The following EYS variants were observed in gnomAD, a reference collection of about 807,000 sequenced individuals.
EYS encodes EGF-like photoreceptor maintenance factor.
In EYS, 250 loss-of-function variants were observed where a neutral mutation model predicts 282.1. The observed-to-expected ratio is 0.89, with a 90% CI of 0.80 to 0.98. The LOEUF (loss-of-function observed/expected upper bound fraction) is 0.98. Among genes scored for constraint, EYS ranks in the 50% least tolerant of loss-of-function variants. The probability of loss-of-function intolerance (pLI) is 0.00; values close to 1 mark genes in which losing one functional copy is unlikely to be tolerated. For synonymous variants in EYS, 1,355 were observed against 1,282.9 expected, an observed-to-expected ratio of 1.06 and a Z score of -1.20; for missense variants, 4,016 against 3,709.0, an observed-to-expected ratio of 1.08 and a Z score of -2.15.
At chr6:65,548,509 T>G (rs1768475825) in intron 2 of EYS, among the ~76,000 whole-genome samples, 1 of 152,218 alleles carries the variant, frequency 6.6e-6, no homozygotes, top group African/African-American at 2.4e-5. Flanking sequence ...CACTTTTATT[T>G]TTAAGTTGTA....
intron 13 of EYS, among the ~76,000 whole-genome samples, chr6:65,014,773 C>A (rs1583399119): frequency 6.6e-6 from 1 of 152,164 alleles, no homozygotes; most frequent in East Asian, 1.9e-4. Flanking sequence ...CCTTCACTAC[C>A]TCCCTGTTGA....
intron 1 of EYS, among the ~76,000 whole-genome samples, chr6:65,696,045 A>G (rs1217070793): frequency 6.6e-6 from 1 of 151,946 alleles, no homozygotes; most frequent in Admixed American, 6.6e-5. Flanking sequence ...GAGAATATAT[A>G]AAAGGTAATA....
chr6:63,958,802 C>T (rs114427720), intron 35 of EYS, among the ~76,000 whole-genome samples: 502 of 152,258 alleles, frequency 3.3e-3, no homozygotes, highest in Non-Finnish European at 5.3e-3. Flanking sequence ...AGCAAAAAAG[C>T]CTGGATTACA....
At chr6:64,854,682 T>G (rs532288176) in intron 19 of EYS, among the ~76,000 whole-genome samples, 2 of 152,052 alleles carry the variant, frequency 1.3e-5, no homozygotes, top group Admixed American at 6.5e-5. Context: ...ACATGGCACA[T>G]GTATACATAT....
intron 12 of EYS, among the ~76,000 whole-genome samples, chr6:65,239,348 TA>T (rs1287062075): frequency 6.6e-6 from 1 of 152,086 alleles, no homozygotes; most frequent in African/African-American, 2.4e-5. Flanking sequence ...ATGTGACCAA[TA>T]AGGTTTACAA....
chr6:64,582,557 G>T (rs1280600434), intron 26 of EYS, among the ~76,000 whole-genome samples: 1 of 150,330 alleles, frequency 6.7e-6, no homozygotes, highest in Non-Finnish European at 1.5e-5. Context: ...GATTTGGCCT[G>T]CAGGCTATAG....
intron 1 of EYS, among the ~76,000 whole-genome samples, chr6:65,686,250 C>G (rs1242822875): frequency 1.3e-5 from 2 of 152,026 alleles, no homozygotes; most frequent in African/African-American, 4.8e-5. Flanking sequence ...TTCTTCCCGG[C>G]TCTTCCCCAG....
intron 29 of EYS, among the ~76,000 whole-genome samples, chr6:64,309,998 T>A (rs1482588854): frequency 7.1e-6 from 1 of 140,946 alleles, no homozygotes; most frequent in Non-Finnish European, 1.5e-5. Context: ...ACTAATTAAA[T>A]GCAAATCAAA....
At chr6:63,948,109 T>C (rs557019731) in intron 35 of EYS, among the ~76,000 whole-genome samples, 2 of 152,334 alleles carry the variant, frequency 1.3e-5, no homozygotes, top group South Asian at 2.1e-4. Context: ...TAAACACACA[T>C]GCACATCTCA....
At chr6:64,545,690 A>T (rs1188826776) in intron 26 of EYS, among the ~76,000 whole-genome samples, 2 of 152,232 alleles carry the variant, frequency 1.3e-5, no homozygotes, top group Non-Finnish European at 2.9e-5. Flanking sequence ...ATACAAAATC[A>T]ATGTGCAAAA....
At chr6:63,779,817 A>C (rs1770166250) in intron 39 of EYS, among the ~76,000 whole-genome samples, 1 of 149,942 alleles carries the variant, frequency 6.7e-6, no homozygotes, top group African/African-American at 2.5e-5. Context: ...GTTATACTGT[A>C]TACATGTGCC....
At chr6:64,510,461 G>A (rs1201721385) in intron 26 of EYS, among the ~76,000 whole-genome samples, 1 of 151,750 alleles carries the variant, frequency 6.6e-6, no homozygotes, top group Non-Finnish European at 1.5e-5. Flanking sequence ...ATTCATGAAT[G>A]CATTTAACTT....
intron 2 of EYS, among the ~76,000 whole-genome samples, chr6:65,599,901 C>T (rs973343077): frequency 5.3e-5 from 8 of 151,978 alleles, no homozygotes; most frequent in African/African-American, 1.9e-4. Context: ...TCTACGGTTT[C>T]CAAAGAATTG....
At chr6:64,873,783 A>C (rs1458681536) in intron 19 of EYS, among the ~76,000 whole-genome samples, 1 of 152,064 alleles carries the variant, frequency 6.6e-6, no homozygotes, top group Non-Finnish European at 1.5e-5. Flanking sequence ...AAATAAAAAA[A>C]CATCATATTG....
chr6:64,418,945 C>T (rs775340932), intron 28 of EYS, among the ~76,000 whole-genome samples: 11 of 152,070 alleles, frequency 7.2e-5, no homozygotes, highest in Non-Finnish European at 1.2e-4. Flanking sequence ...TAATATTCAC[C>T]AGGTTTCTGC....
intron 24 of EYS, among the ~76,000 whole-genome samples, chr6:64,616,411 A>G (rs1410465837): frequency 6.6e-6 from 1 of 152,176 alleles, no homozygotes; most frequent in East Asian, 1.9e-4. Context: ...AGAGAAAGGA[A>G]GATATCTGTT....
intron 1 of EYS, among the ~76,000 whole-genome samples, chr6:65,657,445 G>A (rs987819275): frequency 2.6e-5 from 4 of 151,804 alleles, no homozygotes; most frequent in African/African-American, 9.7e-5. Flanking sequence ...TTTGGAAAAA[G>A]TTGATTCCAA....
intron 34 of EYS, among the ~76,000 whole-genome samples, chr6:63,992,070 T>C (rs956866918): frequency 1.3e-5 from 2 of 151,882 alleles, no homozygotes; most frequent in Admixed American, 1.3e-4. Context: ...AATCATTACA[T>C]GTTCCTTACA....
chr6:64,722,838 T>C (rs1771627450), intron 22 of EYS, among the ~76,000 whole-genome samples: 1 of 152,122 alleles, frequency 6.6e-6, no homozygotes. Flanking sequence ...CATGAATAAG[T>C]TATATAAAGG....
Sources: gnomAD v4.1 joint callset for allele counts (sites outside exome capture counted in the v4.1 genomes callset) on GRCh38, gnomAD v4.1.1 for gene constraint, MANE v1.5 for transcripts, NCBI Gene and HGNC (gene_info 2026-07-23, HGNC 2026-07-21) for gene names.